Variants in SEL1L3 observed in about 807,000 individuals in gnomAD.
SEL1L3 encodes the protein protein sel-1 homolog 3.
Under a neutral mutation model 142.8 loss-of-function variants are expected in SEL1L3, and 76 were observed. That is an observed-to-expected ratio of 0.53 (90% CI 0.44 to 0.64). The LOEUF is 0.64. Among genes scored for constraint, SEL1L3 ranks in the 30% least tolerant of loss-of-function variants. SEL1L3 has a pLI of 0.00. For synonymous variants in SEL1L3, 504 were observed against 519.6 expected (o/e 0.97, Z 0.41); for missense variants, 1,262 against 1,381.7 (o/e 0.91, Z 1.37).
chr4:25,847,918 A>T, intron 1 of SEL1L3, 54 bp from the exon 2 acceptor site: 6 of 1,032,414 alleles, frequency 5.8e-6, no homozygotes, highest in Non-Finnish European at 8.4e-6. Context: ...AATCCTCATC[A>T]TAACAGATAC....
chr4:25,791,390 T>A (rs1391685386), intron 11 of SEL1L3, among the ~76,000 whole-genome samples: 1 of 152,222 alleles, frequency 6.6e-6, no homozygotes, highest in Non-Finnish European at 1.5e-5. Flanking sequence ...CTCCCAGGTA[T>A]CTGACTCCTT....
Position 25,835,438 on chromosome 4 carries a change from C to T in SEL1L3, c.734-115G>A, listed in dbSNP as rs1715757519. ...CCAATCAAACATTTAAGTGAGATAC[C>T]CTAAAAATATTAGCAAACATCTGTT... On this transcript the variant is annotated intron_variant, in intron 2 of 23. Coordinates refer to ENST00000399878, the MANE Select transcript of SEL1L3 (RefSeq NM_015187.5). 6.2e-6 allele frequency: 7 copies of T among 1,134,790 alleles called. No homozygotes were observed. In the East Asian group the frequency reaches 7.3e-5, roughly 12 times the overall value. 70.3% of individuals were successfully genotyped at this position (1,134,790 alleles called of 1,614,324 possible).
At chr4:25,852,537 G>A (rs1716974966) in intron 1 of SEL1L3, among the ~76,000 whole-genome samples, 1 of 152,226 alleles carries the variant, frequency 6.6e-6, no homozygotes, top group Admixed American at 6.5e-5. Context: ...CAAGGCCAGG[G>A]ATCGCTGGTG....
At chr4:25,776,198 G>T in intron 17 of SEL1L3, 79 bp downstream of exon 17, 2 of 852,918 alleles carry the variant, frequency 2.3e-6, no homozygotes, top group Non-Finnish European at 3.8e-6. Flanking sequence ...TTTCTCAGTT[G>T]CATTTTAAGA....
In SEL1L3 at chr4:25,840,605, T is replaced by C. The variant is rs145398447; in HGVS notation, c.734-5282A>G. On this transcript the variant is annotated intron_variant, in intron 2 of 23. Transcript: ENST00000399878. ...TTTAAGAGGGAAGATCAGAGAAGTG[T>C]TCATAAAGCTAAACATTAGGGCATT... Among the ~76,000 whole-genome samples, 198 of 152,294 alleles carry C rather than the reference T, an allele frequency of 1.3e-3. 1 individual carries two copies. Among genetic ancestry groups the C allele is most frequent in the African/African-American group, 4.6e-3 (191 of 41,564 alleles).
chr4:25,782,520 C>A, intron 14 of SEL1L3, 102 bp from the exon 15 acceptor site: 1 of 982,282 alleles, frequency 1.0e-6, no homozygotes, highest in South Asian at 1.8e-5. Flanking sequence ...CTGAACAAAA[C>A]CTTCCCTTTC....
chr4:25,796,860 T>C (rs1197165177), intron 11 of SEL1L3, among the ~76,000 whole-genome samples: 1 of 122,882 alleles, frequency 8.1e-6, no homozygotes, highest in Admixed American at 8.1e-5. Flanking sequence ...CAACAGAGCA[T>C]AAAGACAGAA....
intron 11 of SEL1L3, among the ~76,000 whole-genome samples, chr4:25,792,199 CCTTTTTTT>C (rs1337202757): frequency 6.6e-6 from 1 of 151,876 alleles, no homozygotes; most frequent in Non-Finnish European, 1.5e-5. Context: ...GTATTTTTTT[CCTTTTTTT>C]CTTTTTTTCC....
At chr4:25,756,702 G>C (rs1275472613) in intron 23 of SEL1L3, 1 of 1,091,994 alleles carries the variant, frequency 9.2e-7, no homozygotes, top group Non-Finnish European at 1.1e-6. Flanking sequence ...AAATAACAAT[G>C]ATTAGTGGAA....
chr4:25,860,234 C>T (rs769595507), intron 1 of SEL1L3, among the ~76,000 whole-genome samples: 2 of 152,160 alleles, frequency 1.3e-5, no homozygotes, highest in Non-Finnish European at 2.9e-5. Context: ...ATCGTTATTA[C>T]CATGTAGGCT....
At chr4:25,832,250 C>T (rs1201822736) in intron 5 of SEL1L3, among the ~76,000 whole-genome samples, 4 of 152,150 alleles carry the variant, frequency 2.6e-5, no homozygotes, top group African/African-American at 9.7e-5. Context: ...ATCTCATCCA[C>T]AAGACAAACA....
intron 23 of SEL1L3, 53 bp downstream of exon 23, chr4:25,757,477 AAAAT>A (rs1383169673): frequency 1.9e-6 from 2 of 1,070,016 alleles, no homozygotes; most frequent in African/African-American, 1.9e-5. Flanking sequence ...AAAAAAAAAA[AAAAT>A]CCCTGCTTTT....
At chr4:25,758,761 G>C (rs62410856) in intron 21 of SEL1L3, among the ~76,000 whole-genome samples, 180 bp downstream of exon 21, 83 of 151,142 alleles carry the variant, frequency 5.5e-4, no homozygotes, top group African/African-American at 2.0e-3. Flanking sequence ...TGATCTGCCC[G>C]CCTCAGCCTC....
chr4:25,739,039 A>G, the SEL1L3 span, among the ~76,000 whole-genome samples: 12 of 152,058 alleles, frequency 7.9e-5, no homozygotes, highest in East Asian at 2.3e-3. Flanking sequence ...CCCTGTCTCT[A>G]CTAAAAAAAA....
At position 25,776,373 on chromosome 4, in the gene SEL1L3, A is replaced by G; in HGVS notation, c.2586-13T>C. The G allele has an allele frequency of 6.3e-7, 1 of 1,582,288 alleles. No homozygotes were observed. ...ATGTTTTGCCCATCTGAAAAAAAAA[A>G]GGGAAGAGAAAATACGCAAACCATG... On this transcript the variant is annotated splice_polypyrimidine_tract_variant and intron_variant, in intron 16 of 23. Transcript: ENST00000399878.
Position 25,847,466 on chromosome 4 carries a change from A to G in SEL1L3, c.561T>C (p.Asn187=). The part of the protein sequence containing the change: ...ITHKYSGRDW[N]VKWEENLLHA... ...GGAGCAAGTTTTCCTCCCATTTAAC[A>G]TTCCAGTCTCTGCCACTGTATTTGT... is the stretch of plus-strand genomic sequence containing the variant. Residue 187 remains asparagine (N), a synonymous_variant, in exon 2 of 24, where the codon AAT becomes AAC. Coordinates refer to ENST00000399878, the MANE Select transcript of SEL1L3 (RefSeq NM_015187.5). 6.2e-7 allele frequency: 1 copy of G among 1,614,018 alleles called. No homozygotes were observed. The highest frequency in any genetic ancestry group is 8.5e-7 in the Non-Finnish European group (1 of 1,179,894).
chr4:25,814,602 C>G (rs1410548657), intron 9 of SEL1L3, among the ~76,000 whole-genome samples: 2 of 152,150 alleles, frequency 1.3e-5, no homozygotes, highest in African/African-American at 4.8e-5. Flanking sequence ...TAACTAGAGT[C>G]ATCTGAAGCC....
rs1346887871 is a variant in SEL1L3, at chr4:25,819,902, T to C, written c.1329A>G (p.Gln443=). Residue 443 remains glutamine, a synonymous_variant, in exon 8 of 24, where the codon CAA becomes CAG. Coordinates refer to ENST00000399878, the MANE Select transcript of SEL1L3 (RefSeq NM_015187.5). ...CACACCTTTCATAATATAACTTGATTTGTTCAGCAAGTTGCTTCTCAAGGA... is the reference window on the plus strand; with the variant it reads ...CACACCTTTCATAATATAACTTGATCTGTTCAGCAAGTTGCTTCTCAAGGA... ...NPLLEKQLAE[Q]IKLYYERCAE... is the part of the protein sequence containing the mutation. The C allele has an allele frequency of 6.2e-7, 1 of 1,612,660 alleles. No homozygotes were observed. Among genetic ancestry groups the C allele is most frequent in the Admixed American group, 1.7e-5 (1 of 59,886 alleles).
chr4:25,860,178 T>C (rs1029919887), intron 1 of SEL1L3, among the ~76,000 whole-genome samples: 2 of 152,234 alleles, frequency 1.3e-5, no homozygotes, highest in African/African-American at 4.8e-5. Context: ...AAATACTGGA[T>C]AATGCCTATA....
Sources: gnomAD v4.1 joint callset for allele counts (sites outside exome capture counted in the v4.1 genomes callset) on GRCh38, gnomAD v4.1.1 for gene constraint, MANE v1.5 for transcripts, NCBI Gene and HGNC (gene_info 2026-07-23, HGNC 2026-07-21) for gene names.